The following PDS5A variants were observed in gnomAD, a reference collection of about 807,000 sequenced individuals.
PDS5A encodes the protein PDS5 cohesin associated factor A, also known as sister chromatid cohesion protein PDS5 homolog A.
In PDS5A, 42 loss-of-function variants were observed where a neutral mutation model predicts 167.1. The observed-to-expected ratio is 0.25, with a 90% CI of 0.20 to 0.33. The LOEUF (loss-of-function observed/expected upper bound fraction) is 0.33, where lower values mean the gene tolerates loss of function less well. Among genes scored for constraint, PDS5A ranks in the 10% least tolerant of loss-of-function variants. The probability of loss-of-function intolerance (pLI) is 1.00; values close to 1 mark genes in which losing one functional copy is unlikely to be tolerated. For missense variants in PDS5A, 1,033 were observed against 1,605.9 expected (o/e 0.64, Z 6.10); for synonymous variants, 553 against 554.6 (o/e 1.00, Z 0.04).
chr4:39,837,699 G>T, intron 32 of PDS5A, 157 bp downstream of exon 32: 1 of 509,064 alleles, frequency 2.0e-6, no homozygotes, highest in Non-Finnish European at 3.4e-6. Context: ...TGGAAGTTAT[G>T]AGATAATAAC....
chr4:39,839,753 CTGG>C (rs779801593), intron 31 of PDS5A, among the ~76,000 whole-genome samples: 36 of 12,190 alleles, frequency 3.0e-3, no homozygotes, highest in Admixed American at 2.4e-3. Context: ...GAATATGATT[CTGG>C]GGGGGGGGGG....
chr4:39,841,951 A>G lies in PDS5A; in HGVS notation c.3654T>C (p.Asn1218=). ...TPVKNIDPVK[N]KEINSDQATQ... is the part of the protein sequence containing the mutation. ...CTTGTTAAATTTTAAAATTTACCTT[A>G]TTCTTTACTGGGTCAATATTCTTTA... The change falls in exon 31 of 33, where the codon AAT becomes AAC. Residue 1218 remains asparagine, a synonymous_variant. Transcript: ENST00000303538. 6.5e-7 allele frequency: 1 copy of G among 1,531,750 alleles called. No individual in the cohort carries two copies. The highest frequency in any genetic ancestry group is 9.0e-7 in the Non-Finnish European group (1 of 1,106,982). The allele number at this position is 1,531,750 out of a possible 1,614,324, so 94.9% of individuals were successfully genotyped here. A position where few individuals can be genotyped will look rare whatever the true frequency, so the allele number is the denominator to read the frequency against.
Position 39,976,464 on chromosome 4 carries a change from C to T in PDS5A, c.114G>A (p.Thr38=), listed in dbSNP as rs769836397. Reference sequence around the variant, plus strand: ...CCTTCAGGCGTTTGATCATCTCGTCCGTGGTGATCTTGTCGGTGATCTCTT... The same window carrying T: ...CCTTCAGGCGTTTGATCATCTCGTCTGTGGTGATCTTGTCGGTGATCTCTT... ...GVKEITDKIT[T]DEMIKRLKMV... Residue 38 remains threonine (T), a synonymous_variant, in exon 2 of 33, where the codon ACG becomes ACA. Transcript: ENST00000303538. The T allele has an allele frequency of 4.3e-6, 7 of 1,613,300 alleles. No homozygotes were observed. The highest frequency in any genetic ancestry group is 5.9e-6 in the Non-Finnish European group (7 of 1,179,492).
intron 2 of PDS5A, among the ~76,000 whole-genome samples, chr4:39,942,111 T>C (rs555740245): frequency 1.3e-5 from 2 of 152,228 alleles, no homozygotes; most frequent in African/African-American, 2.4e-5. Flanking sequence ...TGATTTCCTA[T>C]GGCCGCATTC....
At chr4:39,947,511 C>T (rs746939468) in intron 2 of PDS5A, among the ~76,000 whole-genome samples, 4 of 152,252 alleles carry the variant, frequency 2.6e-5, no homozygotes, top group Middle Eastern at 3.4e-3. Context: ...TGCTTTCTAA[C>T]AGTAGTGTCC....
At chr4:39,937,981 TAA>T (rs1406501646) in intron 2 of PDS5A, among the ~76,000 whole-genome samples, 1 of 152,172 alleles carries the variant, frequency 6.6e-6, no homozygotes, top group Admixed American at 6.5e-5. Context: ...AACCAGATTG[TAA>T]AAAGACTGTA....
chr4:39,936,113 T>TA (rs1726575215), intron 2 of PDS5A, among the ~76,000 whole-genome samples: 1 of 152,168 alleles, frequency 6.6e-6, no homozygotes, highest in African/African-American at 2.4e-5. Context: ...ATGAGGGTGA[T>TA]AAGTTCACTT....
At chr4:39,973,063 T>A in intron 2 of PDS5A, 1 of 690,934 alleles carries the variant, frequency 1.4e-6, no homozygotes, top group Non-Finnish European at 2.6e-6. Context: ...ATATTTAAGT[T>A]TTTCGATGTT....
intron 18 of PDS5A, among the ~76,000 whole-genome samples, 161 bp from the exon 19 acceptor site, chr4:39,877,314 G>C (rs1306711158): frequency 1.4e-4 from 1 of 7,300 alleles, no homozygotes; most frequent in East Asian, 6.0e-3. Flanking sequence ...GTTAGTTATG[G>C]CTAATCAGAA....
rs527923126 is a variant in PDS5A at position 39,831,940 on chromosome 4, C to A, written c.4010+5916G>T. ...GGTCTGGCTGCCCAACACGGTGAAA[C>A]CCGTCTCTACTACAAATACAAAAAT... On this transcript the variant is annotated intron_variant, in intron 32 of 32. Coordinates refer to ENST00000303538, the MANE Select transcript of PDS5A (RefSeq NM_001100399.2). Among the ~76,000 whole-genome samples, 774 of 135,612 alleles carry A rather than the reference C, an allele frequency of 5.7e-3. 4 individuals carry two copies. Among genetic ancestry groups the A allele is most frequent in the Non-Finnish European group, 9.8e-3 (631 of 64,084 alleles). 89.0% of individuals were successfully genotyped at this position (135,612 alleles called of 152,430 possible).
At chr4:39,944,289 G>A (rs879730668) in intron 2 of PDS5A, among the ~76,000 whole-genome samples, 3 of 151,616 alleles carry the variant, frequency 2.0e-5, no homozygotes, top group African/African-American at 7.3e-5. Flanking sequence ...CCACAAACAC[G>A]ATTCTTAAAA....
At position 39,949,708 on chromosome 4, in the gene PDS5A, C is replaced by A. The variant is rs549181449; in HGVS notation, c.139-21544G>T. 2.7e-5 allele frequency among the ~76,000 whole-genome samples: 4 copies of A among 149,974 alleles called. No individual in the cohort carries two copies. In the East Asian group the frequency reaches 5.9e-4, roughly 22 times the overall value. On this transcript the variant is annotated intron_variant, in intron 2 of 32. Coordinates refer to ENST00000303538, the MANE Select transcript of PDS5A (RefSeq NM_001100399.2). ...AATTAGCTTGGCATGGTGGCGCACA[C>A]CCGGCTACGCAGGAGGCTGGGGTGG...
chr4:39,831,875 CAAAAAAAAAAAAA>C (rs58913167), intron 32 of PDS5A, among the ~76,000 whole-genome samples: 4 of 25,934 alleles, frequency 1.5e-4, no homozygotes, highest in Non-Finnish European at 2.7e-4. Flanking sequence ...AAACTCGTCT[CAAAAAAAAAAAAA>C]AAAAAAAAAA....
At chr4:39,867,673 T>C (rs937904606) in intron 22 of PDS5A, among the ~76,000 whole-genome samples, 6 of 151,202 alleles carry the variant, frequency 4.0e-5, no homozygotes, top group Admixed American at 4.0e-4. Flanking sequence ...TGAGCTGAGA[T>C]TGTGCCACTG....
At chr4:39,956,617 T>C (rs1047054654) in intron 2 of PDS5A, among the ~76,000 whole-genome samples, 1 of 152,100 alleles carries the variant, frequency 6.6e-6, no homozygotes, top group Admixed American at 6.6e-5. Flanking sequence ...CTACCTGGTT[T>C]TTACCCTTTC....
At chr4:39,897,619 G>C in intron 16 of PDS5A, among the ~76,000 whole-genome samples, 1 of 151,916 alleles carries the variant, frequency 6.6e-6, no homozygotes, top group East Asian at 1.9e-4. Context: ...GGCTGGTCTC[G>C]AACTCCCAAC....
chr4:39,945,203 G>A (rs573000634), intron 2 of PDS5A, among the ~76,000 whole-genome samples: 10 of 152,046 alleles, frequency 6.6e-5, no homozygotes, highest in Non-Finnish European at 1.5e-4. Flanking sequence ...GCTCACACCT[G>A]TAATCCCAGC....
rs1429892271 is a variant in PDS5A at position 39,862,339 on chromosome 4, G to A, written c.2972-6C>T. 1 of 1,314,890 alleles carries A rather than the reference G, an allele frequency of 7.6e-7. No individual in the cohort carries two copies. Among genetic ancestry groups the A allele is most frequent in the Non-Finnish European group, 1.1e-6 (1 of 937,788 alleles). 81.5% of individuals were successfully genotyped at this position (1,314,890 alleles called of 1,614,324 possible). On this transcript the variant is annotated splice_region_variant and splice_polypyrimidine_tract_variant and intron_variant, in intron 25 of 32. Coordinates refer to ENST00000303538, the MANE Select transcript of PDS5A (RefSeq NM_001100399.2). ...CAACAGTGATAATAATTTCTCTGAA[G>A]TAAAAACATTATTAAAAACAACCTT...
In PDS5A at chr4:39,844,764, G is replaced by A. The variant is rs1185530713; in HGVS notation, c.3440C>T (p.Pro1147Leu). 1 of 1,613,178 alleles carries A rather than the reference G, an allele frequency of 6.2e-7. No homozygotes were observed. Among genetic ancestry groups the A allele is most frequent in the Non-Finnish European group, 8.5e-7 (1 of 1,179,670 alleles). ...GGGTTTCCTTCCCGTTGCTGATAAA[G>A]GCTTATTTACTGCACCTAGTACTCC... ...PAGVLGAVNK[P>L]LSATGRKPYV... is the part of the protein sequence containing the mutation. The change falls in exon 30 of 33, where the codon CCT (proline) becomes CTT (leucine). Residue 1147 changes from proline (P) to leucine (L), a missense_variant. Transcript: ENST00000303538.
Sources: gnomAD v4.1 joint callset for allele counts (sites outside exome capture counted in the v4.1 genomes callset) on GRCh38, gnomAD v4.1.1 for gene constraint, MANE v1.5 for transcripts, NCBI Gene and HGNC (gene_info 2026-07-23, HGNC 2026-07-21) for gene names.